The following CCZ1B variants were observed in gnomAD, a reference collection of about 807,000 sequenced individuals.
CCZ1B encodes the protein CCZ1B vacuolar protein trafficking and biogenesis associated.
A neutral mutation model predicts 58.8 loss-of-function variants in CCZ1B; 25 were observed. The ratio of observed to expected loss-of-function variants is 0.43; its 90% CI spans 0.31 to 0.59. The LOEUF is 0.59. Ranked by LOEUF, CCZ1B falls within the 20% of genes least tolerant of loss-of-function variation. The probability of loss-of-function intolerance (pLI) is 0.12; values close to 1 mark genes in which losing one functional copy is unlikely to be tolerated. For synonymous variants in CCZ1B, 66 were observed against 173.2 expected (o/e 0.38, Z 4.86); for missense variants, 180 against 501.5 (o/e 0.36, Z 6.12).
At chr7:6,810,557 G>A (rs1212778857) in intron 10 of CCZ1B, among the ~76,000 whole-genome samples, 1 of 146,828 alleles carries the variant, frequency 6.8e-6, no homozygotes, top group Non-Finnish European at 1.5e-5. Flanking sequence ...GGCTCAAGCG[G>A]TTCTCCTGCC....
rs572131751 is a variant in CCZ1B at position 6,819,723 on chromosome 7, T to C, written c.698+43A>G. 7 of 1,180,046 alleles carry C rather than the reference T, an allele frequency of 5.9e-6. No homozygotes were observed. In the East Asian group the frequency reaches 1.7e-4, roughly 29 times the overall value. 73.1% of individuals were successfully genotyped at this position (1,180,046 alleles called of 1,614,324 possible). On this transcript the variant is annotated intron_variant, in intron 7 of 14. Transcript: ENST00000316731. Reference sequence around the variant, plus strand: ...AATCCAGTCACTGCTGTTTTTATTATCTTAATTTCTTCTTTTAATACCATG... The same window carrying C: ...AATCCAGTCACTGCTGTTTTTATTACCTTAATTTCTTCTTTTAATACCATG...
chr7:6,820,450 T>TAGA (rs1485377426), intron 6 of CCZ1B, among the ~76,000 whole-genome samples: 1 of 149,224 alleles, frequency 6.7e-6, no homozygotes, highest in African/African-American at 2.5e-5. Context: ...GTGCTGGGAT[T>TAGA]AGAGGTGTGA....
Position 6,822,213 on chromosome 7 carries a change from C to G in CCZ1B, c.522+68G>C, listed in dbSNP as rs1387417993. 9 of 1,549,118 alleles carry G rather than the reference C, an allele frequency of 5.8e-6. 1 individual carries two copies. In the African/African-American group the frequency reaches 1.3e-4, roughly 23 times the overall value. ...TTTTGTAGATAAGAAACAAACTTGT[C>G]TGTCTATATTTCTCTAAAAACCTGA... On this transcript the variant is annotated intron_variant, in intron 6 of 14. Transcript: ENST00000316731.
At position 6,820,915 on chromosome 7, in the gene CCZ1B, CA is replaced by C. The variant is rs377633614; in HGVS notation, c.523-975del. On this transcript the variant is annotated intron_variant, in intron 6 of 14. Coordinates refer to ENST00000316731, the MANE Select transcript of CCZ1B (RefSeq NM_198097.5). The stretch of plus-strand genomic sequence containing the variant: ...GGGTGACAAGAGTAAGACTCTGTCT[CA>C]AAAAAAAAAAAAAAAATTAACTCCC... 4.4e-3 allele frequency among the ~76,000 whole-genome samples: 436 copies of C among 100,200 alleles called. 10 individuals carry two copies. Among genetic ancestry groups the C allele is most frequent in the Non-Finnish European group, 4.5e-3 (207 of 46,232 alleles). 65.7% of individuals were successfully genotyped at this position (100,200 alleles called of 152,430 possible).
At chr7:6,818,419 T>C (rs1783041417) in intron 7 of CCZ1B, among the ~76,000 whole-genome samples, 1 of 148,544 alleles carries the variant, frequency 6.7e-6, no homozygotes, top group Admixed American at 6.7e-5. Context: ...CATGGTGGCA[T>C]ATGCCTGTAA....
chr7:6,822,864 G>T (rs147300691), intron 5 of CCZ1B, among the ~76,000 whole-genome samples: 6,384 of 145,666 alleles, frequency 0.044, 378 homozygotes, highest in Non-Finnish European at 0.064. Flanking sequence ...ATGATACCTG[G>T]CTAACTTTTA....
At chr7:6,811,546 CAG>C (rs1782917366) in intron 10 of CCZ1B, 1 of 247,070 alleles carries the variant, frequency 4.0e-6, no homozygotes, top group African/African-American at 2.4e-5. Context: ...CATGTCCTGA[CAG>C]AAACAAAATA....
chr7:6,814,488 T>TC (rs1196720193), intron 8 of CCZ1B, among the ~76,000 whole-genome samples: 1 of 149,776 alleles, frequency 6.7e-6, no homozygotes, highest in Non-Finnish European at 1.5e-5. Flanking sequence ...AGTTCGAGAC[T>TC]CCGTCTCAAA....
chr7:6,817,594 T>C (rs1364391065), intron 7 of CCZ1B, among the ~76,000 whole-genome samples: 4 of 149,856 alleles, frequency 2.7e-5, no homozygotes, highest in Non-Finnish European at 5.9e-5. Context: ...GAAGCACAAC[T>C]AGCCTCCCAT....
intron 4 of CCZ1B, chr7:6,823,739 G>A (rs182777996): frequency 2.5e-5 from 12 of 475,986 alleles, no homozygotes; most frequent in South Asian, 3.6e-5. Context: ...GGCTGGTCTC[G>A]AACCCCTGAC....
intron 8 of CCZ1B, among the ~76,000 whole-genome samples, chr7:6,814,092 G>C (rs1782960130): frequency 1.3e-5 from 2 of 148,932 alleles, no homozygotes; most frequent in Non-Finnish European, 3.0e-5. Context: ...GTTGCAGTGA[G>C]CTGAGATTAA....
Position 6,811,966 on chromosome 7 carries a change from A to G in CCZ1B, c.940T>C (p.Leu314=). 4 of 1,576,166 alleles carry G rather than the reference A, an allele frequency of 2.5e-6. No individual in the cohort carries two copies. The highest frequency in any genetic ancestry group is 3.5e-6 in the Non-Finnish European group (4 of 1,159,206). ...ACAGTTGTTACCTTATAAACGATTA[A>G]ATGGAGCTCTTCATAAGTGTCATCT... is the stretch of plus-strand genomic sequence containing the variant. The part of the protein sequence containing the change: ...NTDDTYEELH[L]IVYKAMSAAV... Residue 314 remains leucine, a synonymous_variant, in exon 10 of 15, where the codon TTA becomes CTA. Transcript: ENST00000316731.
intron 1 of CCZ1B, among the ~76,000 whole-genome samples, chr7:6,825,200 T>C (rs1363863691): frequency 1.3e-5 from 2 of 148,666 alleles, no homozygotes; most frequent in South Asian, 4.3e-4. Flanking sequence ...TCCCTGAAAA[T>C]TAAATCCAGT....
intron 10 of CCZ1B, among the ~76,000 whole-genome samples, chr7:6,810,336 T>C (rs1782900019): frequency 1.3e-5 from 2 of 149,076 alleles, no homozygotes; most frequent in African/African-American, 5.1e-5. Flanking sequence ...TTGTCTTATC[T>C]GTGGTTGACA....
chr7:6,810,312 C>T lies in CCZ1B; in HGVS notation c.954+1640G>A, dbSNP rs1453728999. Among the ~76,000 whole-genome samples, 3 of 147,924 alleles carry T rather than the reference C, an allele frequency of 2.0e-5. No individual in the cohort carries two copies. The East Asian group carries it at 5.9e-4, about 29-fold the overall frequency. Reference sequence around the variant, plus strand: ...ATAGGCGTGAGCCACCATGCCCCGGCTAATGTCTTTCTTTTGTCTTATCTG... The same window carrying T: ...ATAGGCGTGAGCCACCATGCCCCGGTTAATGTCTTTCTTTTGTCTTATCTG... On this transcript the variant is annotated intron_variant, in intron 10 of 14. Coordinates refer to ENST00000316731, the MANE Select transcript of CCZ1B (RefSeq NM_198097.5).
At position 6,818,650 on chromosome 7, in the gene CCZ1B, A is replaced by C. The variant is rs1408210421; in HGVS notation, c.698+1116T>G. ...AAAGAAAGACAAGAAAGAAAGAAAGACAGAAAGAAAGACAGACAGAAAGAA... is the reference window on the plus strand; with the variant it reads ...AAAGAAAGACAAGAAAGAAAGAAAGCCAGAAAGAAAGACAGACAGAAAGAA... On this transcript the variant is annotated intron_variant, in intron 7 of 14. Coordinates refer to ENST00000316731, the MANE Select transcript of CCZ1B (RefSeq NM_198097.5). Among the ~76,000 whole-genome samples, 3 of 139,600 alleles carry C rather than the reference A, an allele frequency of 2.1e-5. 1 individual carries two copies. Among genetic ancestry groups the C allele is most frequent in the African/African-American group, 8.1e-5 (3 of 36,840 alleles). The allele number at this position is 139,600 out of a possible 152,430, so 91.6% of individuals were successfully genotyped here.
At chr7:6,816,773 G>T (rs1262296003) in intron 7 of CCZ1B, among the ~76,000 whole-genome samples, 2 of 151,592 alleles carry the variant, frequency 1.3e-5, no homozygotes, top group Non-Finnish European at 2.9e-5. Context: ...CTTTTTCTTA[G>T]ACAGGGTCTT....
intron 10 of CCZ1B, among the ~76,000 whole-genome samples, chr7:6,810,716 A>T (rs1380971932): frequency 1.3e-5 from 2 of 149,572 alleles, no homozygotes. Context: ...TTGGCCTCCC[A>T]AAGTGCTGGG....
At chr7:6,818,678 A>AAAGAAAGAAAGAAAGAC (rs1248524800) in intron 7 of CCZ1B, among the ~76,000 whole-genome samples, 2 of 76,120 alleles carry the variant, frequency 2.6e-5, no homozygotes, top group Non-Finnish European at 5.4e-5. Flanking sequence ...AGAAAGAAAG[A>AAAGAAAGAAAGAAAGAC]AAGAAAGAAA....
Sources: allele counts gnomAD v4.1 joint callset (sites outside exome capture counted in the v4.1 genomes callset), GRCh38; gene constraint gnomAD v4.1.1; transcripts MANE v1.5; gene names NCBI Gene and HGNC (gene_info 2026-07-23, HGNC 2026-07-21).